SDCCAG8: variants seen among roughly 807,000 people sequenced by gnomAD.
SDCCAG8 encodes the protein SHH signaling and ciliogenesis regulator SDCCAG8, also known as serologically defined colon cancer antigen 8.
A neutral mutation model predicts 101.8 loss-of-function variants in SDCCAG8; 74 were observed. The ratio of observed to expected loss-of-function variants is 0.73; its 90% CI spans 0.60 to 0.88. The LOEUF (loss-of-function observed/expected upper bound fraction) is 0.88, where lower values mean the gene tolerates loss of function less well. Ranked by LOEUF, SDCCAG8 falls within the 40% of genes least tolerant of loss-of-function variation. SDCCAG8 has a pLI of 0.00. For synonymous variants in SDCCAG8, 281 were observed against 292.9 expected (o/e 0.96, Z 0.41); for missense variants, 787 against 822.6 (o/e 0.96, Z 0.53).
intron 13 of SDCCAG8, among the ~76,000 whole-genome samples, chr1:243,411,256 A>G (rs1189288330): frequency 6.6e-6 from 1 of 151,938 alleles, no homozygotes; most frequent in Non-Finnish European, 1.5e-5. Flanking sequence ...CTGGCACTAC[A>G]GGCACACACC....
chr1:243,443,688 C>G (rs932592499), intron 16 of SDCCAG8, among the ~76,000 whole-genome samples: 1 of 152,016 alleles, frequency 6.6e-6, no homozygotes, highest in Non-Finnish European at 1.5e-5. Flanking sequence ...ATGACAAGAT[C>G]GAAAACAAAT....
At chr1:243,356,649 G>C (rs1451093167) in intron 12 of SDCCAG8, among the ~76,000 whole-genome samples, 5 of 151,932 alleles carry the variant, frequency 3.3e-5, no homozygotes, top group African/African-American at 1.2e-4. Context: ...ACCATTACTG[G>C]TATGAAAATC....
rs2080580943 is a variant in SDCCAG8 at position 243,416,288 on chromosome 1, C to G, written c.1744+459C>G. On this transcript the variant is annotated intron_variant, in intron 14 of 17. Coordinates refer to ENST00000366541, the MANE Select transcript of SDCCAG8 (RefSeq NM_006642.5). This position sits in a 1 kb window ranked among gnomAD's most constrained non-coding sequence, Gnocchi z 4.3. ...ACACACATTATAGCTACTCTAAAAG[C>G]CTAATGAGTTTGCTTCAGCATCCAA... Among the ~76,000 whole-genome samples the G allele has an allele frequency of 6.6e-6, 1 of 152,172 alleles. No homozygotes were observed.
intron 12 of SDCCAG8, among the ~76,000 whole-genome samples, chr1:243,345,070 A>G (rs2075621624): frequency 6.6e-6 from 1 of 152,236 alleles, no homozygotes; most frequent in South Asian, 2.1e-4. Context: ...CAATTAAAAT[A>G]GTAAGACTGG....
At chr1:243,431,662 T>C (rs1574006101) in intron 16 of SDCCAG8, among the ~76,000 whole-genome samples, 1 of 152,240 alleles carries the variant, frequency 6.6e-6, no homozygotes, top group East Asian at 1.9e-4. Context: ...ATTTTTTTTT[T>C]CTGTTTTTAT....
chr1:243,355,744 C>G (rs1486598191), intron 12 of SDCCAG8, among the ~76,000 whole-genome samples: 1 of 152,066 alleles, frequency 6.6e-6, no homozygotes, highest in African/African-American at 2.4e-5. Context: ...TAGCTGGGAC[C>G]ACAGGTGCAT....
At chr1:243,372,368 A>G (rs930926324) in intron 12 of SDCCAG8, among the ~76,000 whole-genome samples, 1 of 152,086 alleles carries the variant, frequency 6.6e-6, no homozygotes, top group Non-Finnish European at 1.5e-5. Context: ...TGGCGAAATA[A>G]TTTTTAAGTC....
chr1:243,380,749 TAAA>T (rs2077895528), intron 13 of SDCCAG8, among the ~76,000 whole-genome samples: 1 of 151,928 alleles, frequency 6.6e-6, no homozygotes, highest in African/African-American at 2.4e-5. Flanking sequence ...TTACAGGAAA[TAAA>T]AATTATTTTC....
chr1:243,387,386 A>G (rs913109399), intron 13 of SDCCAG8, among the ~76,000 whole-genome samples: 9 of 152,156 alleles, frequency 5.9e-5, no homozygotes, highest in African/African-American at 2.2e-4. Context: ...AAAACCTTAA[A>G]AATTCTTATT....
intron 15 of SDCCAG8, among the ~76,000 whole-genome samples, chr1:243,423,603 T>C (rs992376358): frequency 1.3e-5 from 2 of 152,138 alleles, no homozygotes; most frequent in African/African-American, 4.8e-5. Flanking sequence ...AAATTTTTGA[T>C]TGTTTCCTTA....
chr1:243,267,789 C>G, intron 1 of SDCCAG8: 1 of 819,636 alleles, frequency 1.2e-6, no homozygotes, highest in Non-Finnish European at 2.2e-6. Flanking sequence ...CCCAATTTCT[C>G]AATTTCAGCC....
chr1:243,476,208 T>TA, intron 16 of SDCCAG8: 1 of 985,482 alleles, frequency 1.0e-6, no homozygotes, highest in Non-Finnish European at 1.2e-6. Context: ...AACCAGCAGA[T>TA]GGGGTTCTTT....
intron 9 of SDCCAG8, chr1:243,318,541 G>T (rs147214777): frequency 1.0e-6 from 1 of 984,992 alleles, no homozygotes; most frequent in Admixed American, 6.1e-5. Flanking sequence ...ATTCAATTCT[G>T]CATTAAGCCT....
rs1467303373 is a variant in SDCCAG8 at position 243,274,553 on chromosome 1, A to G, written c.317A>G (p.Glu106Gly). ...RRKMSPLRSL[E>G]HEETNMPTMH... ...TATTTTTTGTCATAGAGGTCATTAGAACATGAGGAAACCAATATGCCTACT... is the reference window on the plus strand; with the variant it reads ...TATTTTTTGTCATAGAGGTCATTAGGACATGAGGAAACCAATATGCCTACT... Residue 106 changes from glutamate to glycine, a missense_variant, in exon 4 of 18, where the codon GAA (glutamate) becomes GGA (glycine). Coordinates refer to ENST00000366541, the MANE Select transcript of SDCCAG8 (RefSeq NM_006642.5). The G allele has an allele frequency of 6.3e-7, 1 of 1,580,176 alleles. No individual in the cohort carries two copies. Among genetic ancestry groups the G allele is most frequent in the Non-Finnish European group, 8.7e-7 (1 of 1,150,460 alleles).
chr1:243,403,960 T>C (rs972474315), intron 13 of SDCCAG8, among the ~76,000 whole-genome samples: 3 of 152,314 alleles, frequency 2.0e-5, no homozygotes, highest in Non-Finnish European at 2.9e-5. Flanking sequence ...AAACCAGTCA[T>C]TGATGCCAAA....
chr1:243,262,359 G>T (rs1437381858), intron 1 of SDCCAG8, among the ~76,000 whole-genome samples: 1 of 151,638 alleles, frequency 6.6e-6, no homozygotes, highest in African/African-American at 2.4e-5. Context: ...ACCTGCCTTG[G>T]CCTCCCAAAG....
intron 16 of SDCCAG8, among the ~76,000 whole-genome samples, chr1:243,439,622 T>TCACACACACACACACACACACACACACA (rs60044857): frequency 1.7e-5 from 2 of 120,144 alleles, no homozygotes; most frequent in Admixed American, 1.7e-4. Flanking sequence ...TGAGACTCCA[T>TCACACACACACACACACACACACACACA]CACACACACA....
chr1:243,481,764 G>A (rs1171699488), intron 16 of SDCCAG8, among the ~76,000 whole-genome samples: 1 of 152,120 alleles, frequency 6.6e-6, no homozygotes, highest in Non-Finnish European at 1.5e-5. Flanking sequence ...TCAGAACAAA[G>A]GATTTTACCA....
In SDCCAG8 at chr1:243,312,389, T is replaced by G. The variant is rs148377816; in HGVS notation, c.929+4212T>G. On this transcript the variant is annotated intron_variant, in intron 8 of 17. Transcript: ENST00000366541. Reference sequence around the variant, plus strand: ...TGTTGCATCCTTTAGCATTTACTATTTTGAATATATATTCATGAAACAAGA... The same window carrying G: ...TGTTGCATCCTTTAGCATTTACTATGTTGAATATATATTCATGAAACAAGA... 1.8e-3 allele frequency among the ~76,000 whole-genome samples: 276 copies of G among 152,328 alleles called. 1 individual carries two copies. The highest frequency in any genetic ancestry group is 6.3e-3 in the African/African-American group (264 of 41,578).
Sources: allele counts gnomAD v4.1 joint callset (sites outside exome capture counted in the v4.1 genomes callset), GRCh38; gene constraint gnomAD v4.1.1; non-coding constraint Gnocchi (gnomAD v3.1); transcripts MANE v1.5; gene names NCBI Gene and HGNC (gene_info 2026-07-23, HGNC 2026-07-21).